Variants in GPC6 observed in about 807,000 individuals in gnomAD.
GPC6 encodes glypican 6.
Under a neutral mutation model 55.2 loss-of-function variants are expected in GPC6, and 14 were observed. The observed-to-expected ratio is 0.25, with a 90% CI of 0.17 to 0.40. GPC6 has a LOEUF of 0.40. Ranked by LOEUF, GPC6 falls within the 10% of genes least tolerant of loss-of-function variation. The pLI is 1.00. For missense variants in GPC6, 641 were observed against 708.5 expected (o/e 0.90, Z 1.08); for synonymous variants, 278 against 259.6 (o/e 1.07, Z -0.68).
chr13:93,671,163 A>G (rs766906526), intron 2 of GPC6, among the ~76,000 whole-genome samples: 1 of 152,198 alleles, frequency 6.6e-6, no homozygotes, highest in African/African-American at 2.4e-5. Flanking sequence ...GGAGTTCCAC[A>G]ATCATGTGTT....
chr13:93,501,781 T>A (rs1272185146), intron 1 of GPC6, among the ~76,000 whole-genome samples: 1 of 152,150 alleles, frequency 6.6e-6, no homozygotes, highest in East Asian at 1.9e-4. Flanking sequence ...ACCACCAGTT[T>A]GAAATATCTA....
chr13:93,523,557 C>T lies in GPC6; in HGVS notation c.161-21706C>T, dbSNP rs145917790. On this transcript the variant is annotated intron_variant, in intron 1 of 8. Coordinates refer to ENST00000377047, the MANE Select transcript of GPC6 (RefSeq NM_005708.5). ...GTCATTGTATACCAACTATAAGTTA[C>T]GCACTTCCTCATTTGCTGCAATATG... is the stretch of plus-strand genomic sequence containing the variant. Among the ~76,000 whole-genome samples the T allele has an allele frequency of 2.3e-4, 32 of 139,404 alleles. 1 individual carries two copies. The East Asian group carries it at 6.6e-3, about 29-fold the overall frequency. 91.5% of individuals were successfully genotyped at this position (139,404 alleles called of 152,430 possible). A position where few individuals can be genotyped will look rare whatever the true frequency, so the allele number is the denominator to read the frequency against.
At chr13:93,364,729 G>GTA (rs1244572831) in intron 1 of GPC6, among the ~76,000 whole-genome samples, 16 of 150,166 alleles carry the variant, frequency 1.1e-4, no homozygotes, top group Admixed American at 5.3e-4. Context: ...ACACATATAT[G>GTA]TATATATATA....
intron 3 of GPC6, among the ~76,000 whole-genome samples, chr13:93,905,097 A>AG (rs34906886): frequency 0.36 from 51,998 of 144,160 alleles, 10,085 homozygotes; most frequent in African/African-American, 0.49. Flanking sequence ...TTTTTTTGAA[A>AG]GGGGGTGCTT....
chr13:93,878,792 C>T (rs1874767627), intron 3 of GPC6, among the ~76,000 whole-genome samples: 1 of 152,112 alleles, frequency 6.6e-6, no homozygotes, highest in South Asian at 2.1e-4. Flanking sequence ...ACTTGGACTA[C>T]CCAGCCCTTA....
At chr13:94,382,242 A>C (rs1880188470) in intron 6 of GPC6, among the ~76,000 whole-genome samples, 172 bp from the exon 7 acceptor site, 1 of 152,204 alleles carries the variant, frequency 6.6e-6, no homozygotes, top group Admixed American at 6.5e-5. Flanking sequence ...AGAGGAAAGG[A>C]GGCTTTCCCG....
intron 2 of GPC6, among the ~76,000 whole-genome samples, chr13:93,572,338 G>A (rs756539846): frequency 1.3e-4 from 20 of 152,124 alleles, no homozygotes; most frequent in Non-Finnish European, 2.6e-4. Flanking sequence ...CATCAGAAAT[G>A]TAGGGGACGC....
intron 6 of GPC6, among the ~76,000 whole-genome samples, chr13:94,319,842 G>A (rs560241233): frequency 1.2e-4 from 18 of 152,208 alleles, no homozygotes; most frequent in African/African-American, 4.3e-4. Context: ...ATAATGTGTA[G>A]GTATAGATTT....
rs549237447 is a variant in GPC6, at chr13:94,289,932, C to T, written c.1008+3453C>T. On this transcript the variant is annotated intron_variant, in intron 5 of 8. Transcript: ENST00000377047. ...TTGGGGTTCATGGTGTTCTAGGGGC[C>T]CCCATGACCACTTTGAGTTGTCTGA... 3.3e-5 allele frequency among the ~76,000 whole-genome samples: 5 copies of T among 152,150 alleles called. No individual in the cohort carries two copies. In the South Asian group the frequency reaches 1.0e-3, roughly 32 times the overall value.
In GPC6 at chr13:94,403,374, CAA is replaced by C. The variant is rs1415479174; in HGVS notation, c.*159_*160del. 1 of 695,096 alleles carries C rather than the reference CAA, an allele frequency of 1.4e-6. No homozygotes were observed. Among genetic ancestry groups the C allele is most frequent in the African/African-American group, 1.8e-5 (1 of 57,106 alleles). The allele number at this position is 695,096 out of a possible 1,614,324, so 43.1% of individuals were successfully genotyped here. A position where few individuals can be genotyped will look rare whatever the true frequency, so the allele number is the denominator to read the frequency against. On this transcript the variant is annotated 3_prime_UTR_variant, in exon 9 of 9. Coordinates refer to ENST00000377047, the MANE Select transcript of GPC6 (RefSeq NM_005708.5). The stretch of plus-strand genomic sequence containing the variant: ...CAATCTGCCTCCCTTTTTGTTTTCC[CAA>C]AGAGTACCGGGTGCCAGACTGAACT...
chr13:93,636,338 C>A (rs1384097867), intron 2 of GPC6, among the ~76,000 whole-genome samples: 1 of 152,080 alleles, frequency 6.6e-6, no homozygotes, highest in Non-Finnish European at 1.5e-5. Context: ...ACAATTGAAA[C>A]CCCTGATTGA....
chr13:94,056,515 G>A (rs1440683586), intron 4 of GPC6, among the ~76,000 whole-genome samples: 1 of 152,166 alleles, frequency 6.6e-6, no homozygotes, highest in Non-Finnish European at 1.5e-5. Flanking sequence ...GCCTTGGAAA[G>A]CAATAGTTGG....
chr13:93,287,820 T>C (rs1337713747), intron 1 of GPC6, among the ~76,000 whole-genome samples: 4 of 152,240 alleles, frequency 2.6e-5, no homozygotes, highest in Non-Finnish European at 4.4e-5. Context: ...AAGTTTATTG[T>C]CAATTAAAAT....
intron 3 of GPC6, among the ~76,000 whole-genome samples, chr13:93,930,605 A>G (rs1218855184): frequency 6.6e-6 from 1 of 151,984 alleles, no homozygotes. Flanking sequence ...GTACAATATG[A>G]CTGTACACAC....
intron 3 of GPC6, among the ~76,000 whole-genome samples, chr13:93,975,815 G>A (rs752491928): frequency 3.3e-5 from 5 of 152,060 alleles, no homozygotes; most frequent in South Asian, 2.1e-4. Flanking sequence ...TTTTTAAAAC[G>A]TAGGTGTGAT....
chr13:94,363,498 T>C (rs1050971249), intron 6 of GPC6, among the ~76,000 whole-genome samples: 1 of 152,190 alleles, frequency 6.6e-6, no homozygotes, highest in African/African-American at 2.4e-5. Context: ...GTTCTGTTGA[T>C]TTGAAATGCA....
chr13:93,907,155 A>G (rs903773367), intron 3 of GPC6, among the ~76,000 whole-genome samples: 2 of 152,108 alleles, frequency 1.3e-5, no homozygotes, highest in African/African-American at 2.4e-5. Flanking sequence ...AAGATCTACA[A>G]TCCTTCAATT....
chr13:93,441,486 G>A (rs1034032593), intron 1 of GPC6, among the ~76,000 whole-genome samples: 5 of 152,168 alleles, frequency 3.3e-5, no homozygotes, highest in African/African-American at 1.2e-4. Context: ...CTGCATAAAT[G>A]TCTTCTTTTG....
intron 5 of GPC6, among the ~76,000 whole-genome samples, chr13:94,291,999 C>T (rs1875004880): frequency 6.6e-6 from 1 of 152,160 alleles, no homozygotes; most frequent in Admixed American, 6.5e-5. Context: ...CCCAGAGCCT[C>T]TTTCAGAAAA....
Sources: gnomAD v4.1 joint callset for allele counts (sites outside exome capture counted in the v4.1 genomes callset) on GRCh38, gnomAD v4.1.1 for gene constraint, MANE v1.5 for transcripts, NCBI Gene and HGNC (gene_info 2026-07-23, HGNC 2026-07-21) for gene names.